The following MYLK variants were observed in gnomAD, a reference collection of about 807,000 sequenced individuals.
MYLK encodes myosin light chain kinase, smooth muscle.
MYLK carries 106 observed loss-of-function variants against 203.4 expected under a neutral mutation model. The observed-to-expected ratio is 0.52, with a 90% CI of 0.45 to 0.61. MYLK has a LOEUF of 0.61. Ranked by LOEUF, MYLK falls within the 20% of genes least tolerant of loss-of-function variation. The pLI, the probability that MYLK is intolerant of heterozygous loss-of-function variation, is 0.00. For synonymous variants in MYLK, 867 were observed against 959.5 expected, an observed-to-expected ratio of 0.90 and a Z score of 1.78; for missense variants, 2,072 against 2,442.3, an observed-to-expected ratio of 0.85 and a Z score of 3.20.
At chr3:123,767,610 A>T (rs568362802) in intron 4 of MYLK, among the ~76,000 whole-genome samples, 1 of 152,274 alleles carries the variant, frequency 6.6e-6, no homozygotes, top group East Asian at 1.9e-4. Flanking sequence ...CTGTCTCAAA[A>T]CAAAAACAAA....
chr3:123,766,863 C>A (rs1345939187), intron 4 of MYLK, among the ~76,000 whole-genome samples: 1 of 152,250 alleles, frequency 6.6e-6, no homozygotes, highest in African/African-American at 2.4e-5. Context: ...ACCAACAACC[C>A]TCCAATCAGG....
At chr3:123,782,623 G>A (rs946820872) in intron 4 of MYLK, among the ~76,000 whole-genome samples, 6 of 127,976 alleles carry the variant, frequency 4.7e-5, no homozygotes, top group Non-Finnish European at 8.7e-5. Context: ...ACACCACTTT[G>A]AGTATACAGT....
At chr3:123,771,296 G>C (rs2063874054) in intron 4 of MYLK, among the ~76,000 whole-genome samples, 1 of 152,034 alleles carries the variant, frequency 6.6e-6, no homozygotes, top group South Asian at 2.1e-4. Flanking sequence ...CTTCTTTCAA[G>C]ATCTTCAAAT....
At chr3:123,776,864 A>G (rs1412332717) in intron 4 of MYLK, among the ~76,000 whole-genome samples, 1 of 152,226 alleles carries the variant, frequency 6.6e-6, no homozygotes, top group Non-Finnish European at 1.5e-5. Flanking sequence ...AGTCTGACCC[A>G]TGGCCTGTGA....
intron 1 of MYLK, among the ~76,000 whole-genome samples, chr3:123,880,723 C>G (rs1284466015): frequency 1.3e-5 from 2 of 152,192 alleles, no homozygotes; most frequent in Non-Finnish European, 2.9e-5. Context: ...CCCTCAGACA[C>G]TGAAGTACAG....
Position 123,722,264 on chromosome 3 carries a change from G to A in MYLK, c.1668C>T (p.Tyr556=), listed in dbSNP as rs752021743. The A allele has an allele frequency of 4.5e-5, 70 of 1,569,442 alleles. No homozygotes were observed. Among genetic ancestry groups the A allele is most frequent in the South Asian group, 1.1e-4 (9 of 85,132 alleles). ...CGCCGGCCTCGCAGGTGGAGCGAGC[G>A]TACTGGATGGGCTGCCCTGTGGAGG... ...TWLLNGQPIQ[Y]ARSTCEAGVA... is the part of the protein sequence containing the mutation. Residue 556 remains tyrosine, a synonymous_variant, in exon 13 of 34, where the codon TAC becomes TAT. Coordinates refer to ENST00000360304, the MANE Select transcript of MYLK (RefSeq NM_053025.4).
intron 3 of MYLK, among the ~76,000 whole-genome samples, chr3:123,810,035 T>G (rs1288940899): frequency 2.0e-5 from 3 of 152,164 alleles, no homozygotes; most frequent in African/African-American, 7.2e-5. Flanking sequence ...TTCTCAAGCT[T>G]TATCAGGTTT....
In MYLK at chr3:123,614,359, A is replaced by C; in HGVS notation, c.5501-10T>G. On this transcript the variant is annotated splice_polypyrimidine_tract_variant and intron_variant, in intron 33 of 33. Transcript: ENST00000360304. ...TCGGGGTCTGGGTATCCTGCATCAC[A>C]GGGAGAGAACACAAGTTGCAGGAAC... 1 of 1,614,150 alleles carries C rather than the reference A, an allele frequency of 6.2e-7. No individual in the cohort carries two copies. The highest frequency in any genetic ancestry group is 8.5e-7 in the Non-Finnish European group (1 of 1,180,014).
At position 123,640,263 on chromosome 3, in the gene MYLK, A is replaced by G. The variant is rs1255689480; in HGVS notation, c.4837+24T>C. The G allele has an allele frequency of 4.4e-6, 7 of 1,608,050 alleles. No individual in the cohort carries two copies. The highest frequency in any genetic ancestry group is 6.0e-6 in the Non-Finnish European group (7 of 1,174,888). ...GCCAGTGCAATACACACTGGTGTCC[A>G]TGGGAGAGGCAGATGAGCCTTACCC... On this transcript the variant is annotated intron_variant, in intron 28 of 33. Transcript: ENST00000360304. This position sits in a 1 kb window ranked among gnomAD's most constrained non-coding sequence, Gnocchi z 4.3.
intron 20 of MYLK, 197 bp downstream of exon 20, chr3:123,682,027 G>A (rs41313434): frequency 4.9e-5 from 32 of 655,038 alleles, no homozygotes; most frequent in Non-Finnish European, 8.7e-5. Context: ...AGAGAGCACT[G>A]GGATGGGGTG....
At chr3:123,755,579 T>C (rs1463090391) in intron 4 of MYLK, among the ~76,000 whole-genome samples, 3 of 152,172 alleles carry the variant, frequency 2.0e-5, no homozygotes, top group Non-Finnish European at 4.4e-5. Flanking sequence ...GAAACTTTAA[T>C]ACTTGCCCTC....
At chr3:123,673,283 C>T (rs550145376) in intron 20 of MYLK, among the ~76,000 whole-genome samples, 1 of 151,522 alleles carries the variant, frequency 6.6e-6, no homozygotes, top group East Asian at 1.9e-4. Context: ...ATCTCAGCAC[C>T]CACTCAGCTA....
intron 4 of MYLK, among the ~76,000 whole-genome samples, chr3:123,775,125 G>A (rs1304460392): frequency 1.3e-5 from 2 of 152,148 alleles, no homozygotes; most frequent in African/African-American, 4.8e-5. Context: ...CCGGGCTCAA[G>A]TGATCCTCCC....
intron 4 of MYLK, among the ~76,000 whole-genome samples, chr3:123,753,895 G>A (rs897614582): frequency 1.3e-5 from 2 of 152,166 alleles, no homozygotes; most frequent in African/African-American, 4.8e-5. Flanking sequence ...GAATGGATAC[G>A]GATGAAGCAA....
chr3:123,726,255 G>A (rs1439265960), intron 11 of MYLK, among the ~76,000 whole-genome samples, 177 bp from the exon 12 acceptor site: 1 of 152,142 alleles, frequency 6.6e-6, no homozygotes, highest in East Asian at 1.9e-4. Flanking sequence ...AGTGATGTAG[G>A]GACATGGAGC....
chr3:123,838,252 C>A (rs1366381585), intron 2 of MYLK, among the ~76,000 whole-genome samples: 1 of 152,086 alleles, frequency 6.6e-6, no homozygotes, highest in African/African-American at 2.4e-5. Flanking sequence ...CAAAGGAAAT[C>A]TTAAAGGTAC....
At chr3:123,831,437 A>G (rs1450540360) in intron 3 of MYLK, 111 bp downstream of exon 3, 6 of 1,289,466 alleles carry the variant, frequency 4.7e-6, no homozygotes, top group Non-Finnish European at 6.1e-6. Context: ...CCTTGGGGGC[A>G]GCAGTCTCTT....
At position 123,612,456 on chromosome 3, in the gene MYLK, T is replaced by G. The variant is rs1267928155; in HGVS notation, c.*1649A>C. On this transcript the variant is annotated 3_prime_UTR_variant, in exon 34 of 34. Transcript: ENST00000360304. ...CTGTAACACACATATACGCCACACA[T>G]GCACACACACAACATACACGCACAC... The G allele has an allele frequency of 6.6e-6, 1 of 152,540 alleles. No homozygotes were observed. Among genetic ancestry groups the G allele is most frequent in the Non-Finnish European group, 1.5e-5 (1 of 68,038 alleles). The allele number at this position is 152,540 out of a possible 1,614,324, so 9.4% of individuals were successfully genotyped here.
Position 123,727,309 on chromosome 3 carries a change from C to T in MYLK, c.1517-1231G>A, listed in dbSNP as rs183886776. On this transcript the variant is annotated intron_variant, in intron 11 of 33. Transcript: ENST00000360304. ...CCCAGAAGGTGTGGGGAGGCACCCT[C>T]TCCATCCCTCCCCTTGGCCAGTGTT... is the stretch of plus-strand genomic sequence containing the variant. Among the ~76,000 whole-genome samples the T allele has an allele frequency of 2.0e-5, 3 of 152,280 alleles. No individual in the cohort carries two copies. The East Asian group carries it at 5.8e-4, about 29-fold the overall frequency.
Sources: allele counts gnomAD v4.1 joint callset (sites outside exome capture counted in the v4.1 genomes callset), GRCh38; gene constraint gnomAD v4.1.1; non-coding constraint Gnocchi (gnomAD v3.1); transcripts MANE v1.5; gene names NCBI Gene and HGNC (gene_info 2026-07-23, HGNC 2026-07-21).